Variants in GCFC2 observed in about 807,000 individuals in gnomAD.
GCFC2 encodes the protein GC-rich sequence DNA-binding factor 2.
GCFC2 carries 102 observed loss-of-function variants against 99.4 expected under a neutral mutation model. The observed-to-expected ratio is 1.03, with a 90% CI of 0.87 to 1.21. GCFC2 has a LOEUF of 1.21. GCFC2 is among the 50% of genes most tolerant of loss of function. The pLI is 0.00. For missense variants in GCFC2, 973 were observed against 920.9 expected, an observed-to-expected ratio of 1.06 and a Z score of -0.73; for synonymous variants, 338 against 316.8, an observed-to-expected ratio of 1.07 and a Z score of -0.71.
intron 15 of GCFC2, among the ~76,000 whole-genome samples, chr2:75,666,962 G>T (rs1242124006): frequency 6.6e-6 from 1 of 152,188 alleles, no homozygotes; most frequent in African/African-American, 2.4e-5. Flanking sequence ...GTGTGGGATT[G>T]TAACTGCAAG....
At chr2:75,706,404 AATC>A (rs1680864827) in intron 2 of GCFC2, 116 bp downstream of exon 2, 6 of 654,098 alleles carry the variant, frequency 9.2e-6, no homozygotes, top group Non-Finnish European at 1.6e-5. Flanking sequence ...GCACTCTGAC[AATC>A]ATCATTAATG....
chr2:75,711,939 C>T (rs997583143), upstream of GCFC2, among the ~76,000 whole-genome samples: 5 of 152,270 alleles, frequency 3.3e-5, no homozygotes, highest in Non-Finnish European at 7.3e-5. Context: ...CCATCGACCA[C>T]CCAAGGGCTG....
At chr2:75,665,672 T>C (rs1180218696) in intron 16 of GCFC2, among the ~76,000 whole-genome samples, 1 of 152,186 alleles carries the variant, frequency 6.6e-6, no homozygotes, top group African/African-American at 2.4e-5. Flanking sequence ...AATAAAATGT[T>C]TTTGATTTAT....
At chr2:75,696,085 T>TC (rs946991739) in intron 5 of GCFC2, 115 bp downstream of exon 5, 10 of 501,482 alleles carry the variant, frequency 2.0e-5, no homozygotes, top group African/African-American at 3.9e-5. Context: ...AGATCCTTTT[T>TC]CCCCCCCATA....
upstream of GCFC2, chr2:75,710,918 C>T (rs998319532): frequency 4.2e-6 from 6 of 1,425,944 alleles, no homozygotes; most frequent in Non-Finnish European, 5.5e-6. Flanking sequence ...GCTTCAGTGC[C>T]CGCCCCCTAG....
intron 11 of GCFC2, among the ~76,000 whole-genome samples, chr2:75,687,229 C>T (rs1338155568): frequency 1.3e-5 from 2 of 152,064 alleles, no homozygotes; most frequent in Admixed American, 1.3e-4. Flanking sequence ...AACCACCACT[C>T]CCAGATGAAG....
At chr2:75,696,741 T>C (rs1233977557) in intron 4 of GCFC2, among the ~76,000 whole-genome samples, 1 of 152,136 alleles carries the variant, frequency 6.6e-6, no homozygotes, top group Non-Finnish European at 1.5e-5. Context: ...TAAATGGAAG[T>C]GTGCTGGAGG....
chr2:75,700,896 C>T (rs977689878), intron 4 of GCFC2, among the ~76,000 whole-genome samples: 2 of 152,132 alleles, frequency 1.3e-5, no homozygotes, highest in African/African-American at 4.8e-5. Flanking sequence ...GAAAAACACA[C>T]AGTAGAGACA....
At position 75,710,890 on chromosome 2, in the gene GCFC2, GCT is replaced by G; in HGVS notation, c.-37_-36del. The G allele has an allele frequency of 6.7e-7, 1 of 1,492,978 alleles. No individual in the cohort carries two copies. 92.5% of individuals were successfully genotyped at this position (1,492,978 alleles called of 1,614,324 possible). ...CCGAGCGCCCGGCGCCCTAGAACCC[GCT>G]GAACCGCAAGCCGCAGCTTCAGTGC... is the stretch of plus-strand genomic sequence containing the variant. On this transcript the variant is annotated 5_prime_UTR_variant, in exon 1 of 17. Coordinates refer to ENST00000321027, the MANE Select transcript of GCFC2 (RefSeq NM_003203.5).
upstream of GCFC2, among the ~76,000 whole-genome samples, chr2:75,712,690 A>T (rs1225015954): frequency 3.3e-5 from 5 of 152,070 alleles, no homozygotes. Flanking sequence ...CACCGTGAAG[A>T]TCTGCAGCTT....
In GCFC2 at chr2:75,680,207, T is replaced by C; in HGVS notation, c.1798A>G (p.Ser600Gly). 1 of 1,604,544 alleles carries C rather than the reference T, an allele frequency of 6.2e-7. No homozygotes were observed. The highest frequency in any genetic ancestry group is 1.1e-5 in the South Asian group (1 of 90,716). ...GAAATTATTACCTGTCTGCTTTTACTAACTTCATTTTCACAAGTGGAATGT... is the reference window on the plus strand; with the variant it reads ...GAAATTATTACCTGTCTGCTTTTACCAACTTCATTTTCACAAGTGGAATGT... The part of the protein sequence containing the change: ...EEHSTCENEV[S>G]KSRQDLLKSI... The change falls in exon 12 of 17, where the codon AGT becomes GGT. Residue 600 changes from serine (S) to glycine (G), a missense_variant. By Grantham distance (56) the Ser-to-Gly change is moderately conservative. Transcript: ENST00000321027.
chr2:75,670,541 A>T (rs1435510664), intron 14 of GCFC2: 1 of 274,516 alleles, frequency 3.6e-6, no homozygotes, highest in African/African-American at 2.2e-5. Flanking sequence ...GCCTTTCCAG[A>T]TCAATAATCT....
upstream of GCFC2, chr2:75,711,084 C>T (rs1252868518): frequency 1.5e-6 from 2 of 1,302,958 alleles, no homozygotes; most frequent in East Asian, 6.4e-5. Context: ...ATTCCCTTTG[C>T]CAGGTTAGGT....
chr2:75,686,583 A>G (rs1010471286), intron 11 of GCFC2, among the ~76,000 whole-genome samples: 1 of 152,148 alleles, frequency 6.6e-6, no homozygotes, highest in Admixed American at 6.5e-5. Flanking sequence ...CTCTAAAAAA[A>G]TCTTTTAAAA....
At chr2:75,701,879 A>G (rs1373199011) in intron 3 of GCFC2, 1 of 1,038,350 alleles carries the variant, frequency 9.6e-7, no homozygotes, top group African/African-American at 1.7e-5. Context: ...TTCCATGTTA[A>G]AAAAAATATA....
upstream of GCFC2, chr2:75,710,974 C>G (rs1429640883): frequency 4.4e-6 from 6 of 1,367,098 alleles, no homozygotes; most frequent in South Asian, 8.5e-5. Flanking sequence ...GCGCCCGTCC[C>G]GCCTGCCTTC....
At chr2:75,700,288 T>C (rs779937733) in intron 4 of GCFC2, among the ~76,000 whole-genome samples, 6 of 152,212 alleles carry the variant, frequency 3.9e-5, no homozygotes, top group Non-Finnish European at 8.8e-5. Flanking sequence ...CTATTATTTG[T>C]GTATGCAGAA....
At chr2:75,710,119 G>T (rs1288722229) in intron 1 of GCFC2, among the ~76,000 whole-genome samples, 6 of 152,076 alleles carry the variant, frequency 3.9e-5, no homozygotes, top group Non-Finnish European at 7.4e-5. Context: ...GGTGAAAAAA[G>T]AAAATAAACA....
At chr2:75,706,444 TTGTTA>T in intron 2 of GCFC2, 74 bp downstream of exon 2, 1 of 918,582 alleles carries the variant, frequency 1.1e-6, no homozygotes, top group South Asian at 1.8e-5. Context: ...TCACTAGAGT[TTGTTA>T]TGTCATTAAT....
Sources: gnomAD v4.1 joint callset for allele counts (sites outside exome capture counted in the v4.1 genomes callset) on GRCh38, gnomAD v4.1.1 for gene constraint, MANE v1.5 for transcripts, NCBI Gene and HGNC (gene_info 2026-07-23, HGNC 2026-07-21) for gene names.